Variants in PREX2 observed in about 807,000 individuals in gnomAD.
PREX2 encodes phosphatidylinositol-3,4,5-trisphosphate dependent Rac exchange factor 2.
In PREX2, 107 loss-of-function variants were observed where a neutral mutation model predicts 203.2. That is an observed-to-expected ratio of 0.53 (90% CI 0.45 to 0.62). The LOEUF (loss-of-function observed/expected upper bound fraction) is 0.62. Among genes scored for constraint, PREX2 ranks in the 20% least tolerant of loss-of-function variants. The probability of loss-of-function intolerance (pLI) is 0.00; values close to 1 mark genes in which losing one functional copy is unlikely to be tolerated. For missense variants in PREX2, 1,777 were observed against 1,955.9 expected, an observed-to-expected ratio of 0.91 and a Z score of 1.72; for synonymous variants, 672 against 663.6, an observed-to-expected ratio of 1.01 and a Z score of -0.19.
At chr8:68,164,470 T>G (rs1036154156) in intron 35 of PREX2, among the ~76,000 whole-genome samples, 1 of 151,892 alleles carries the variant, frequency 6.6e-6, no homozygotes, top group African/African-American at 2.4e-5. Flanking sequence ...TCAAGCTGAC[T>G]TCTGACCATA....
At chr8:68,093,853 C>T in intron 21 of PREX2, 131 bp downstream of exon 21, 1 of 487,250 alleles carries the variant, frequency 2.1e-6, no homozygotes, top group Non-Finnish European at 3.7e-6. Flanking sequence ...AAACAGATGT[C>T]TGTCAAATGC....
chr8:68,006,176 G>A (rs772389759), intron 1 of PREX2, among the ~76,000 whole-genome samples: 1 of 152,190 alleles, frequency 6.6e-6, no homozygotes, highest in Non-Finnish European at 1.5e-5. Context: ...CCCTGGTGCA[G>A]CCCTGGCTGA....
chr8:68,200,679 A>C (rs1812483799), intron 37 of PREX2, among the ~76,000 whole-genome samples: 1 of 152,152 alleles, frequency 6.6e-6, no homozygotes, highest in South Asian at 2.1e-4. Flanking sequence ...TAAAATGTAC[A>C]TAATTTTCTT....
At chr8:68,218,880 G>A (rs1344778774) in intron 38 of PREX2, among the ~76,000 whole-genome samples, 1 of 152,180 alleles carries the variant, frequency 6.6e-6, no homozygotes, top group African/African-American at 2.4e-5. Context: ...GAGCTAAGAA[G>A]CATGTGACAT....
chr8:68,139,098 T>A (rs963737872), intron 33 of PREX2, among the ~76,000 whole-genome samples: 1 of 152,182 alleles, frequency 6.6e-6, no homozygotes, highest in African/African-American at 2.4e-5. Context: ...GATAGATATC[T>A]CTTATGGGGC....
chr8:68,168,986 CA>C (rs1811816086), intron 35 of PREX2, among the ~76,000 whole-genome samples: 1 of 151,534 alleles, frequency 6.6e-6, no homozygotes, highest in Non-Finnish European at 1.5e-5. Context: ...TTTCAGAAAC[CA>C]AACTCAAACT....
At chr8:68,107,362 G>A (rs1810437668) in intron 23 of PREX2, among the ~76,000 whole-genome samples, 1 of 152,078 alleles carries the variant, frequency 6.6e-6, no homozygotes, top group Non-Finnish European at 1.5e-5. Flanking sequence ...AGAGAAGTTA[G>A]GTGAGGATCT....
chr8:68,218,775 G>A (rs1812895122), intron 38 of PREX2, among the ~76,000 whole-genome samples: 1 of 152,194 alleles, frequency 6.6e-6, no homozygotes, highest in Non-Finnish European at 1.5e-5. Context: ...CACAGAGAGA[G>A]CATATACATT....
chr8:67,976,731 G>C (rs1806119981), intron 1 of PREX2, among the ~76,000 whole-genome samples: 1 of 88,004 alleles, frequency 1.1e-5, no homozygotes, highest in South Asian at 5.3e-4. Flanking sequence ...GAGAGAGACA[G>C]AGAGAGAGAG....
intron 34 of PREX2, among the ~76,000 whole-genome samples, chr8:68,153,007 G>A (rs1463905775): frequency 6.6e-6 from 1 of 152,186 alleles, no homozygotes; most frequent in South Asian, 2.1e-4. Context: ...AGGGTCAGCA[G>A]TTTCACTGTG....
intron 39 of PREX2, among the ~76,000 whole-genome samples, chr8:68,225,211 C>T (rs1813034992): frequency 6.6e-6 from 1 of 152,122 alleles, no homozygotes; most frequent in Admixed American, 6.5e-5. Flanking sequence ...ATTTATTACT[C>T]ATCATAGTAA....
intron 1 of PREX2, among the ~76,000 whole-genome samples, chr8:67,973,788 G>C (rs1400425923): frequency 2.6e-5 from 4 of 152,156 alleles, no homozygotes; most frequent in Non-Finnish European, 4.4e-5. Context: ...AGTAAAGCAA[G>C]TCAGACATTT....
At chr8:68,213,216 A>G (rs191523014) in intron 37 of PREX2, among the ~76,000 whole-genome samples, 3 of 152,340 alleles carry the variant, frequency 2.0e-5, no homozygotes, top group Admixed American at 2.0e-4. Context: ...TTTCAAAAAT[A>G]ACCACAGCGA....
At chr8:68,142,139 T>C (rs1271864739) in intron 33 of PREX2, among the ~76,000 whole-genome samples, 1 of 152,138 alleles carries the variant, frequency 6.6e-6, no homozygotes, top group Non-Finnish European at 1.5e-5. Flanking sequence ...TCAAAATCAC[T>C]CAAAGTTCAT....
chr8:67,952,639 G>A (rs1227230433), intron 1 of PREX2, 104 bp downstream of exon 1: 3 of 1,470,578 alleles, frequency 2.0e-6, no homozygotes, highest in Non-Finnish European at 1.9e-6. Context: ...CGGGGACCCG[G>A]GACGGGTCGG....
At chr8:68,019,813 T>A in intron 3 of PREX2, 142 bp downstream of exon 3, 1 of 733,068 alleles carries the variant, frequency 1.4e-6, no homozygotes, top group Non-Finnish European at 2.2e-6. Flanking sequence ...GCCAATGAGA[T>A]CTTCCACTTA....
chr8:68,084,555 G>A lies in PREX2; in HGVS notation c.2027+1167G>A, dbSNP rs1018649699. Among the ~76,000 whole-genome samples the A allele has an allele frequency of 6.6e-5, 10 of 152,250 alleles. No homozygotes were observed. The East Asian group carries it at 1.5e-3, about 24-fold the overall frequency. On this transcript the variant is annotated intron_variant, in intron 18 of 39. Coordinates refer to ENST00000288368, the MANE Select transcript of PREX2 (RefSeq NM_024870.4). ...CTCCCTAGTGAGTCTCTTCAAGGCA[G>A]TGCGAATTCATTAAATTAGATGCTT...
intron 32 of PREX2, among the ~76,000 whole-genome samples, chr8:68,134,970 T>G (rs1474833255): frequency 6.6e-6 from 1 of 152,330 alleles, no homozygotes; most frequent in Admixed American, 6.5e-5. Flanking sequence ...ATGTGTTCAC[T>G]TTAATATATA....
intron 6 of PREX2, among the ~76,000 whole-genome samples, chr8:68,034,724 T>C (rs932202295): frequency 1.3e-5 from 2 of 152,156 alleles, no homozygotes; most frequent in African/African-American, 4.8e-5. Context: ...TTTTGGAATC[T>C]GTTTGCTGCT....
Sources: allele counts gnomAD v4.1 joint callset (sites outside exome capture counted in the v4.1 genomes callset), GRCh38; gene constraint gnomAD v4.1.1; transcripts MANE v1.5; gene names NCBI Gene and HGNC (gene_info 2026-07-23, HGNC 2026-07-21).